Variants in NCKIPSD observed in about 807,000 individuals in gnomAD.
NCKIPSD encodes NCK-interacting protein with SH3 domain.
NCKIPSD carries 48 observed loss-of-function variants against 73.4 expected under a neutral mutation model. The observed-to-expected ratio is 0.65, with a 90% confidence interval of 0.52 to 0.83. The LOEUF (loss-of-function observed/expected upper bound fraction) is 0.83. Ranked by LOEUF, NCKIPSD falls within the 40% of genes least tolerant of loss-of-function variation. The pLI, the probability that NCKIPSD is intolerant of heterozygous loss-of-function variation, is 0.00. For synonymous variants in NCKIPSD, 422 were observed against 403.6 expected (o/e 1.05, Z -0.54); for missense variants, 884 against 970.2 (o/e 0.91, Z 1.18).
In NCKIPSD at chr3:48,685,873, G is replaced by T. The variant is rs992834641; in HGVS notation, c.-66C>A. 9.1e-6 allele frequency: 12 copies of T among 1,313,130 alleles called. No homozygotes were observed. The highest frequency in any genetic ancestry group is 1.2e-5 in the Non-Finnish European group (12 of 1,027,588). 81.3% of individuals were successfully genotyped at this position (1,313,130 alleles called of 1,614,324 possible). ...GCGGCGCCACAACGCCAGGCCGGGA[G>T]CGCCGAGCCGCGCCGCGGTTGTCCC... On this transcript the variant is annotated 5_prime_UTR_variant, in exon 1 of 13. Transcript: ENST00000294129.
At chr3:48,685,195 G>A (rs1201788137) in intron 1 of NCKIPSD, among the ~76,000 whole-genome samples, 29 of 2,692 alleles carry the variant, frequency 0.011, no homozygotes, top group Non-Finnish European at 0.068. Context: ...AGAAGGAAGG[G>A]AGGGAGGGAG....
chr3:48,678,587 C>G lies in NCKIPSD; in HGVS notation c.1942G>C (p.Ala648Pro), dbSNP rs569145688. The G allele has an allele frequency of 1.2e-6, 2 of 1,613,136 alleles. No individual in the cohort carries two copies. The highest frequency in any genetic ancestry group is 1.3e-5 in the African/African-American group (1 of 74,948). ...ACCTTGTCTCCTGGTGACAGGTCTGCGATGTGCCGCACAGTGATGTCAATG... is the reference window on the plus strand; with the variant it reads ...ACCTTGTCTCCTGGTGACAGGTCTGGGATGTGCCGCACAGTGATGTCAATG... ...ALIDITVRHI[A>P]DLSPGDKLRM... The change falls in exon 12 of 13, where the codon GCA (alanine) becomes CCA (proline). Residue 648 changes from alanine (A) to proline (P), a missense_variant. Coordinates refer to ENST00000294129, the MANE Select transcript of NCKIPSD (RefSeq NM_016453.4).
chr3:48,674,353 C>G lies in NCKIPSD; in HGVS notation c.*191G>C. 1 of 1,432,878 alleles carries G rather than the reference C, an allele frequency of 7.0e-7. No individual in the cohort carries two copies. Among genetic ancestry groups the G allele is most frequent in the Non-Finnish European group, 9.1e-7 (1 of 1,096,678 alleles). The allele number at this position is 1,432,878 out of a possible 1,614,324, so 88.8% of individuals were successfully genotyped here. A position where few individuals can be genotyped will look rare whatever the true frequency, so the allele number is the denominator to read the frequency against. On this transcript the variant is annotated 3_prime_UTR_variant, in exon 13 of 13. Transcript: ENST00000294129. ...CTTGCATATTCCCCCTGCCCCAGAA[C>G]AGCTCCCAGACCATGGTCCCCAATC...
At position 48,680,113 on chromosome 3, in the gene NCKIPSD, T is replaced by C; in HGVS notation, c.1209A>G (p.Leu403=). Residue 403 remains leucine (L), a synonymous_variant, in exon 6 of 13, where the codon CTA becomes CTG. Coordinates refer to ENST00000294129, the MANE Select transcript of NCKIPSD (RefSeq NM_016453.4). The stretch of plus-strand genomic sequence containing the variant: ...AGCGGATGACACCCTCATCCTCATA[T>C]AGTGCCCAACTGCGCTGCTGGGCGT... ...KDDAQQRSWA[L]YEDEGVIRCY... 4 of 1,614,118 alleles carry C rather than the reference T, an allele frequency of 2.5e-6. No homozygotes were observed. The highest frequency in any genetic ancestry group is 3.4e-6 in the Non-Finnish European group (4 of 1,180,004).
At chr3:48,677,653 G>T (rs1439950969) in intron 12 of NCKIPSD, among the ~76,000 whole-genome samples, 2 of 152,070 alleles carry the variant, frequency 1.3e-5, no homozygotes, top group Admixed American at 1.3e-4. Flanking sequence ...GAATCCAATG[G>T]CCAACCCCAG....
At position 48,681,339 on chromosome 3, in the gene NCKIPSD, G is replaced by A. The variant is rs751703310; in HGVS notation, c.1040C>T (p.Pro347Leu). ...CTGCTCCATGACTGGTGAGCTGGCCGGCACCGAGGCCTGGATGTGACCCAC... is the reference window on the plus strand; with the variant it reads ...CTGCTCCATGACTGGTGAGCTGGCCAGCACCGAGGCCTGGATGTGACCCAC... ...IIVGHIQASV[P>L]ASSPVMEQVL... is the part of the protein sequence containing the mutation. Residue 347 changes from proline to leucine, a missense_variant, in exon 5 of 13, where the codon CCG becomes CTG. Pro to Leu is a moderately conservative substitution (Grantham distance 98, BLOSUM62 -3). Coordinates refer to ENST00000294129, the MANE Select transcript of NCKIPSD (RefSeq NM_016453.4). 8 of 1,610,572 alleles carry A rather than the reference G, an allele frequency of 5.0e-6. No homozygotes were observed. Among genetic ancestry groups the A allele is most frequent in the Admixed American group, 1.7e-5 (1 of 59,902 alleles).
rs2077219990 is a variant in NCKIPSD at position 48,674,381 on chromosome 3, A to C, written c.*163T>G. On this transcript the variant is annotated 3_prime_UTR_variant, in exon 13 of 13. Coordinates refer to ENST00000294129, the MANE Select transcript of NCKIPSD (RefSeq NM_016453.4). ...CTCCCAGACCATGGTCCCCAATCCT[A>C]CACTTGGCCCCTCTCTTAAGTTCTA... 2.8e-6 allele frequency: 4 copies of C among 1,450,514 alleles called. No individual in the cohort carries two copies. Among genetic ancestry groups the C allele is most frequent in the Non-Finnish European group, 3.6e-6 (4 of 1,103,784 alleles). 89.9% of individuals were successfully genotyped at this position (1,450,514 alleles called of 1,614,324 possible). A position where few individuals can be genotyped will look rare whatever the true frequency, so the allele number is the denominator to read the frequency against.
rs770057015 is a variant in NCKIPSD, at chr3:48,679,454, T to A, written c.1493A>T (p.His498Leu). ...GAGGGCAGAGTAACAGAGTTTCTGG[T>A]GGTCTGGGGGGGACAAGGCAGGCAG... ...ARDMQTDTQDHQKLCYSALIL... is the reference protein window; with the variant it reads ...ARDMQTDTQDLQKLCYSALIL... The change falls in exon 9 of 13, where the codon CAC becomes CTC. Residue 498 changes from histidine (H) to leucine (L), a missense_variant. Coordinates refer to ENST00000294129, the MANE Select transcript of NCKIPSD (RefSeq NM_016453.4). 6.2e-7 allele frequency: 1 copy of A among 1,611,980 alleles called. No homozygotes were observed. Among genetic ancestry groups the A allele is most frequent in the East Asian group, 2.2e-5 (1 of 44,836 alleles).
intron 12 of NCKIPSD, among the ~76,000 whole-genome samples, chr3:48,675,034 G>C (rs960026193): frequency 6.6e-6 from 1 of 152,092 alleles, no homozygotes; most frequent in Non-Finnish European, 1.5e-5. Flanking sequence ...CTGTCTATCA[G>C]TCAGAGGCCC....
rs1187494371 is a variant in NCKIPSD, at chr3:48,674,369, G to A, written c.*175C>T. ...GCCCCAGAACAGCTCCCAGACCATG[G>A]TCCCCAATCCTACACTTGGCCCCTC... On this transcript the variant is annotated 3_prime_UTR_variant, in exon 13 of 13. Transcript: ENST00000294129. The A allele has an allele frequency of 6.9e-7, 1 of 1,439,992 alleles. No individual in the cohort carries two copies. Among genetic ancestry groups the A allele is most frequent in the East Asian group, 2.5e-5 (1 of 39,928 alleles). The allele number at this position is 1,439,992 out of a possible 1,614,324, so 89.2% of individuals were successfully genotyped here. A position where few individuals can be genotyped will look rare whatever the true frequency, so the allele number is the denominator to read the frequency against.
chr3:48,682,695 C>T (rs2077375431), intron 2 of NCKIPSD, 143 bp from the exon 3 acceptor site: 1 of 1,151,276 alleles, frequency 8.7e-7, no homozygotes, highest in South Asian at 1.5e-5. Flanking sequence ...GCCTACAGTA[C>T]CCCATACTAT....
At chr3:48,685,550 G>A (rs929630228) in intron 1 of NCKIPSD, 87 bp downstream of exon 1, 5 of 1,418,294 alleles carry the variant, frequency 3.5e-6, no homozygotes, top group Middle Eastern at 4.9e-4. Flanking sequence ...GTCCCGGAGA[G>A]GGTGGGGTCC....
rs1213437915 is a variant in NCKIPSD, at chr3:48,679,734, C to T, written c.1351-21G>A. On this transcript the variant is annotated intron_variant, in intron 7 of 12. Transcript: ENST00000294129. ...TGTTCCTGGCAGGGAACCCTGCGTGCTCAGTGCCTGGAACTCCCCCACTAT... is the reference window on the plus strand; with the variant it reads ...TGTTCCTGGCAGGGAACCCTGCGTGTTCAGTGCCTGGAACTCCCCCACTAT... 5.6e-6 allele frequency: 9 copies of T among 1,614,070 alleles called. No homozygotes were observed. The Admixed American group carries it at 1.5e-4, about 27-fold the overall frequency.
At position 48,679,822 on chromosome 3, in the gene NCKIPSD, G is replaced by A; in HGVS notation, c.1329C>T (p.Ala443=). ...ATACCATTTGGTAATAGGCCACCAAGGCCAGGACAGACTCGAACTCGTTTC... is the reference window on the plus strand; with the variant it reads ...ATACCATTTGGTAATAGGCCACCAAAGCCAGGACAGACTCGAACTCGTTTC... ...CKRNEFESVL[A]LVAYYQMEHR... The change falls in exon 7 of 13, where the codon GCC becomes GCT. Residue 443 remains alanine, a synonymous_variant. Transcript: ENST00000294129. 1.9e-6 allele frequency: 3 copies of A among 1,614,244 alleles called. No homozygotes were observed. The highest frequency in any genetic ancestry group is 2.5e-6 in the Non-Finnish European group (3 of 1,180,042).
In NCKIPSD at chr3:48,681,750, T is replaced by A. The variant is rs1210715602; in HGVS notation, c.629A>T (p.Asn210Ile). 10 of 1,524,612 alleles carry A rather than the reference T, an allele frequency of 6.6e-6. No individual in the cohort carries two copies. The highest frequency in any genetic ancestry group is 2.1e-5 in the Admixed American group (1 of 47,264). The allele number at this position is 1,524,612 out of a possible 1,614,324, so 94.4% of individuals were successfully genotyped here. A position where few individuals can be genotyped will look rare whatever the true frequency, so the allele number is the denominator to read the frequency against. The change falls in exon 5 of 13, where the codon AAC (asparagine) becomes ATC (isoleucine). Residue 210 changes from asparagine to isoleucine, a missense_variant. Physicochemically the swap from Asn to Ile is moderately radical, Grantham distance 149. Coordinates refer to ENST00000294129, the MANE Select transcript of NCKIPSD (RefSeq NM_016453.4). ...GACTGAGGAGCCGCTGGACACAGAGTTACCCCCGGAGGGCATGGTGTTGTG... is the reference window on the plus strand; with the variant it reads ...GACTGAGGAGCCGCTGGACACAGAGATACCCCCGGAGGGCATGGTGTTGTG... ...GGHNTMPSGG[N>I]SVSSGSSVSS...
At chr3:48,674,815 G>A (rs1319014629) in intron 12 of NCKIPSD, 68 bp from the exon 13 acceptor site, 2 of 1,507,058 alleles carry the variant, frequency 1.3e-6, no homozygotes, top group Admixed American at 3.6e-5. Flanking sequence ...ACAGGGACAG[G>A]ACCCCACTGT....
At chr3:48,678,499 GCCC>G in intron 12 of NCKIPSD, 62 bp downstream of exon 12, 1 of 1,514,356 alleles carries the variant, frequency 6.6e-7, no homozygotes, top group South Asian at 1.3e-5. Flanking sequence ...TCAATGTCAT[GCCC>G]CCCACCATTT....
chr3:48,682,261 C>A (rs1378440008), intron 3 of NCKIPSD, 87 bp downstream of exon 3: 2 of 1,581,658 alleles, frequency 1.3e-6, no homozygotes. Context: ...CTCTGGGCCG[C>A]ATCACTCCTG....
In NCKIPSD at chr3:48,673,901, C is replaced by T. The variant is rs974482721; in HGVS notation, c.*643G>A. 3.8e-6 allele frequency: 4 copies of T among 1,057,878 alleles called. No homozygotes were observed. The African/African-American group carries it at 6.6e-5, about 17-fold the overall frequency. The allele number at this position is 1,057,878 out of a possible 1,614,324, so 65.5% of individuals were successfully genotyped here. A position where few individuals can be genotyped will look rare whatever the true frequency, so the allele number is the denominator to read the frequency against. On this transcript the variant is annotated 3_prime_UTR_variant, in exon 13 of 13. Coordinates refer to ENST00000294129, the MANE Select transcript of NCKIPSD (RefSeq NM_016453.4). The stretch of plus-strand genomic sequence containing the variant: ...GAGCTACAGCACATAGGAAAATACA[C>T]ATGGCTTTTCAGTCTACATTTTTAC...
Sources: gnomAD v4.1 joint callset for allele counts (sites outside exome capture counted in the v4.1 genomes callset) on GRCh38, gnomAD v4.1.1 for gene constraint, MANE v1.5 for transcripts, NCBI Gene and HGNC (gene_info 2026-07-23, HGNC 2026-07-21) for gene names.